Variants in SLC25A20 observed in about 807,000 individuals in gnomAD.
SLC25A20 encodes the protein mitochondrial carnitine/acylcarnitine carrier protein.
SLC25A20 carries 29 observed loss-of-function variants against 39.7 expected under a neutral mutation model. The ratio of observed to expected loss-of-function variants is 0.73; its 90% CI spans 0.54 to 1.00. The LOEUF (loss-of-function observed/expected upper bound fraction) is 1.00, where lower values mean the gene tolerates loss of function less well. Ranked by LOEUF, SLC25A20 falls within the 50% of genes least tolerant of loss-of-function variation. The pLI is 0.00. For missense variants in SLC25A20, 333 were observed against 379.9 expected, an observed-to-expected ratio of 0.88 and a Z score of 1.03; for synonymous variants, 103 against 142.2, an observed-to-expected ratio of 0.72 and a Z score of 1.96.
chr3:48,859,405 TAAG>T, intron 6 of SLC25A20, 147 bp downstream of exon 6: 1 of 853,828 alleles, frequency 1.2e-6, no homozygotes, highest in Admixed American at 1.7e-5. Flanking sequence ...AGGCACAGAG[TAAG>T]AAGAGCTAGC....
chr3:48,864,611 G>C (rs2083652547), intron 4 of SLC25A20, among the ~76,000 whole-genome samples: 1 of 150,484 alleles, frequency 6.6e-6, no homozygotes, highest in Admixed American at 6.6e-5. Context: ...ATATGTACCT[G>C]GTATGTCTGA....
intron 2 of SLC25A20, among the ~76,000 whole-genome samples, chr3:48,888,654 G>C (rs2083852174): frequency 1.3e-5 from 2 of 151,914 alleles, no homozygotes; most frequent in Middle Eastern, 3.2e-3. Context: ...AGTCCTACAG[G>C]AATCCTGGGA....
At chr3:48,859,678 G>T in intron 5 of SLC25A20, 51 bp from the exon 6 acceptor site, 1 of 1,413,866 alleles carries the variant, frequency 7.1e-7, no homozygotes, top group Non-Finnish European at 1.0e-6. Context: ...TCTTCGCCAG[G>T]CATGGTGGTA....
intron 1 of SLC25A20, among the ~76,000 whole-genome samples, chr3:48,893,032 CTT>C (rs1218511992): frequency 1.4e-5 from 2 of 146,282 alleles, no homozygotes. Context: ...TATATATATA[CTT>C]TTTTTTTTTG....
chr3:48,872,687 CAAAAAAA>C (rs551848720), intron 4 of SLC25A20, among the ~76,000 whole-genome samples: 38 of 65,642 alleles, frequency 5.8e-4, no homozygotes, highest in African/African-American at 1.7e-3. Context: ...CCCATCCTTA[CAAAAAAA>C]AAAAAAAAAA....
intron 6 of SLC25A20, 88 bp from the exon 7 acceptor site, chr3:48,859,289 C>G (rs575441673): frequency 2.4e-6 from 3 of 1,231,668 alleles, no homozygotes; most frequent in Non-Finnish European, 3.6e-6. Context: ...AGGGCAGTTA[C>G]AGACAGGCAG....
chr3:48,888,440 G>A (rs531165413), intron 2 of SLC25A20, among the ~76,000 whole-genome samples: 6 of 151,366 alleles, frequency 4.0e-5, no homozygotes, highest in African/African-American at 1.5e-4. Flanking sequence ...CATGGTGGCA[G>A]GTGCCTGCAA....
At chr3:48,895,782 C>G in intron 1 of SLC25A20, 1 of 456,506 alleles carries the variant, frequency 2.2e-6, no homozygotes, top group East Asian at 7.0e-5. Context: ...CTCATATTGT[C>G]CTTCAGATCT....
At chr3:48,864,453 G>T (rs982892909) in intron 4 of SLC25A20, among the ~76,000 whole-genome samples, 24 of 150,522 alleles carry the variant, frequency 1.6e-4, no homozygotes, top group African/African-American at 5.9e-4. Flanking sequence ...AAAATAAGAG[G>T]TCAATAAAAA....
intron 4 of SLC25A20, among the ~76,000 whole-genome samples, chr3:48,876,006 C>T (rs991358698): frequency 2.0e-5 from 3 of 151,988 alleles, no homozygotes; most frequent in Non-Finnish European, 4.4e-5. Flanking sequence ...GACAGACAGC[C>T]AGACCCTGTC....
chr3:48,893,639 T>A (rs1575993495), intron 1 of SLC25A20, among the ~76,000 whole-genome samples: 1 of 151,832 alleles, frequency 6.6e-6, no homozygotes, highest in Admixed American at 6.6e-5. Context: ...GCTCAGGTGA[T>A]CCTCCCACCT....
At chr3:48,887,766 G>GT (rs1445269813) in intron 2 of SLC25A20, among the ~76,000 whole-genome samples, 1 of 152,160 alleles carries the variant, frequency 6.6e-6, no homozygotes, top group Non-Finnish European at 1.5e-5. Flanking sequence ...GTCGGGCATG[G>GT]TGGCAGACGC....
At chr3:48,871,211 C>T (rs866306755) in intron 4 of SLC25A20, among the ~76,000 whole-genome samples, 1 of 151,756 alleles carries the variant, frequency 6.6e-6, no homozygotes, top group South Asian at 2.1e-4. Flanking sequence ...CAATTCTGCC[C>T]GAATTGATCT....
At chr3:48,895,111 C>T (rs1162458555) in intron 1 of SLC25A20, among the ~76,000 whole-genome samples, 15 of 152,274 alleles carry the variant, frequency 9.9e-5, no homozygotes, top group African/African-American at 2.9e-4. Flanking sequence ...TGGGTTCAAG[C>T]GATTCTCCTG....
intron 1 of SLC25A20, among the ~76,000 whole-genome samples, chr3:48,894,912 G>A (rs2083901136): frequency 6.6e-6 from 1 of 152,200 alleles, no homozygotes; most frequent in Non-Finnish European, 1.5e-5. Flanking sequence ...CTGCCTCCCA[G>A]GTTCAAGCGA....
intron 4 of SLC25A20, among the ~76,000 whole-genome samples, chr3:48,871,681 C>T (rs2083716069): frequency 6.6e-6 from 1 of 150,888 alleles, no homozygotes; most frequent in African/African-American, 2.4e-5. Flanking sequence ...GCAGGAGAAT[C>T]GCTTGAACCC....
intron 3 of SLC25A20, 129 bp from the exon 4 acceptor site, chr3:48,879,577 C>T: frequency 4.2e-6 from 3 of 722,174 alleles, no homozygotes; most frequent in Non-Finnish European, 7.5e-6. Flanking sequence ...AGCCTAGCCA[C>T]AAATGAATCA....
chr3:48,872,111 GA>G (rs2083721149), intron 4 of SLC25A20, among the ~76,000 whole-genome samples: 1 of 148,078 alleles, frequency 6.8e-6, no homozygotes, highest in Admixed American at 6.9e-5. Flanking sequence ...TCACAGGTGT[GA>G]GCCACTCTGC....
chr3:48,864,148 C>T (rs549860854), intron 4 of SLC25A20, among the ~76,000 whole-genome samples: 2 of 151,768 alleles, frequency 1.3e-5, no homozygotes, highest in African/African-American at 4.8e-5. Context: ...GAGTTCGAGA[C>T]CAGCCTGGCC....
Sources: allele counts gnomAD v4.1 joint callset (sites outside exome capture counted in the v4.1 genomes callset), GRCh38; gene constraint gnomAD v4.1.1; transcripts MANE v1.5; gene names NCBI Gene and HGNC (gene_info 2026-07-23, HGNC 2026-07-21).